IQGAP1: variants seen among roughly 807,000 people sequenced by gnomAD.
IQGAP1 encodes the protein ras GTPase-activating-like protein IQGAP1.
Under a neutral mutation model 215.6 loss-of-function variants are expected in IQGAP1, and 66 were observed. That is an observed-to-expected ratio of 0.31 (90% CI 0.25 to 0.38). The LOEUF (loss-of-function observed/expected upper bound fraction) is 0.38, where lower values mean the gene tolerates loss of function less well. Ranked by LOEUF, IQGAP1 falls within the 10% of genes least tolerant of loss-of-function variation. The pLI, the probability that IQGAP1 is intolerant of heterozygous loss-of-function variation, is 1.00. For missense variants in IQGAP1, 1,712 were observed against 1,997.1 expected (o/e 0.86, Z 2.72); for synonymous variants, 772 against 728.7 (o/e 1.06, Z -0.96).
chr15:90,397,484 G>C (rs1964738653), intron 2 of IQGAP1, among the ~76,000 whole-genome samples: 1 of 149,120 alleles, frequency 6.7e-6, no homozygotes, highest in Non-Finnish European at 1.5e-5. Context: ...GCTTGGCACA[G>C]TGAAATACAG....
chr15:90,432,788 T>G (rs565623357), intron 4 of IQGAP1, among the ~76,000 whole-genome samples: 12 of 152,304 alleles, frequency 7.9e-5, no homozygotes, highest in African/African-American at 2.2e-4. Flanking sequence ...TTATCCAAAT[T>G]CTTCTCACCT....
chr15:90,414,808 C>T (rs115238402), intron 2 of IQGAP1, among the ~76,000 whole-genome samples: 1,920 of 152,232 alleles, frequency 0.013, 36 homozygotes, highest in African/African-American at 0.044. Context: ...CTACAAGATG[C>T]CACTGTCTGG....
intron 4 of IQGAP1, 65 bp downstream of exon 4, chr15:90,429,731 C>G: frequency 1.0e-6 from 1 of 976,514 alleles, no homozygotes; most frequent in East Asian, 2.5e-5. Flanking sequence ...CTCAAACAAC[C>G]TGTTCTCATT....
chr15:90,436,657 A>G (rs1191894664), intron 5 of IQGAP1, among the ~76,000 whole-genome samples: 1 of 152,242 alleles, frequency 6.6e-6, no homozygotes, highest in Non-Finnish European at 1.5e-5. Flanking sequence ...AGTGCCTAAC[A>G]GTATATTTGT....
chr15:90,405,257 A>G (rs116453460), intron 2 of IQGAP1, among the ~76,000 whole-genome samples: 2,127 of 152,312 alleles, frequency 0.014, 41 homozygotes, highest in African/African-American at 0.048. Context: ...GGCAGCTTCA[A>G]CTGTTGAGCT....
In IQGAP1 at chr15:90,487,016, C is replaced by G. The variant is rs1966136219; in HGVS notation, c.4087C>G (p.Leu1363Val). Reference sequence around the variant, plus strand: ...GGCACTGGCTAAGACGGAAGTGTCTCTCACCCTGACCAACAAGTTCGACGT... The same window carrying G: ...GGCACTGGCTAAGACGGAAGTGTCTGTCACCCTGACCAACAAGTTCGACGT... ...KEALAKTEVS[L>V]TLTNKFDVPG... is the part of the protein sequence containing the mutation. Residue 1363 changes from leucine to valine, a missense_variant, in exon 32 of 38, where the codon CTC becomes GTC. Physicochemically the swap from Leu to Val is conservative, Grantham distance 32. Transcript: ENST00000268182. 1 of 1,614,080 alleles carries G rather than the reference C, an allele frequency of 6.2e-7. No individual in the cohort carries two copies. The highest frequency in any genetic ancestry group is 1.1e-5 in the South Asian group (1 of 91,084).
chr15:90,443,622 CTT>C (rs1327606009), intron 9 of IQGAP1, 144 bp downstream of exon 9: 12 of 581,120 alleles, frequency 2.1e-5, no homozygotes, highest in Non-Finnish European at 3.4e-5. Context: ...TGTTAACAAT[CTT>C]TTGTGTTTCT....
chr15:90,478,201 G>C (rs1966007818), intron 26 of IQGAP1, among the ~76,000 whole-genome samples: 1 of 152,070 alleles, frequency 6.6e-6, no homozygotes, highest in Non-Finnish European at 1.5e-5. Context: ...ATGTTGGCCA[G>C]ACTGGTCTCG....
intron 9 of IQGAP1, among the ~76,000 whole-genome samples, chr15:90,445,306 A>G (rs1009212043): frequency 1.3e-5 from 2 of 151,626 alleles, no homozygotes; most frequent in Admixed American, 6.6e-5. Flanking sequence ...TAAGTACTCA[A>G]TGAACATTAA....
At chr15:90,492,466 G>T in intron 34 of IQGAP1, 79 bp from the exon 35 acceptor site, 25 of 884,242 alleles carry the variant, frequency 2.8e-5, no homozygotes, top group Non-Finnish European at 3.9e-5. Context: ...TTAAGGCAGA[G>T]TTAAGCATTG....
chr15:90,431,057 A>G (rs1596263016), intron 4 of IQGAP1, among the ~76,000 whole-genome samples: 1 of 148,278 alleles, frequency 6.7e-6, no homozygotes, highest in Middle Eastern at 3.3e-3. Context: ...TATATATTAT[A>G]TATACACAAT....
intron 2 of IQGAP1, among the ~76,000 whole-genome samples, chr15:90,392,791 C>T (rs1282191250): frequency 7.5e-6 from 1 of 133,024 alleles, no homozygotes; most frequent in Non-Finnish European, 1.5e-5. Context: ...GTTGCCCAGG[C>T]TGGAGGGCAG....
chr15:90,410,853 A>C (rs978201105), intron 2 of IQGAP1, among the ~76,000 whole-genome samples: 2 of 151,930 alleles, frequency 1.3e-5, no homozygotes, highest in Non-Finnish European at 2.9e-5. Flanking sequence ...TAAAAAAAAA[A>C]AAAAAGAAAA....
chr15:90,476,950 T>A, intron 24 of IQGAP1, 117 bp from the exon 25 acceptor site: 1 of 1,319,008 alleles, frequency 7.6e-7, no homozygotes, highest in South Asian at 1.3e-5. Context: ...CTGTAACATG[T>A]TAATTTATTA....
intron 19 of IQGAP1, chr15:90,473,398 T>G: frequency 2.5e-6 from 1 of 395,348 alleles, no homozygotes; most frequent in Non-Finnish European, 4.7e-6. Context: ...TGTCCCCATC[T>G]GTAAAAGGGG....
In IQGAP1 at chr15:90,448,620, G is replaced by T; in HGVS notation, c.961G>T (p.Ala321Ser). 2 of 1,607,470 alleles carry T rather than the reference G, an allele frequency of 1.2e-6. No homozygotes were observed. Among genetic ancestry groups the T allele is most frequent in the Non-Finnish European group, 1.7e-6 (2 of 1,177,222 alleles). ...NIDLALEQGD[A>S]LALFRALQSP... Reference sequence around the variant, plus strand: ...CGACCTGGCTTTAGAACAAGGAGATGCACTGGCCTTGTTCAGGGCTCTGCA... The same window carrying T: ...CGACCTGGCTTTAGAACAAGGAGATTCACTGGCCTTGTTCAGGGCTCTGCA... The change falls in exon 10 of 38, where the codon GCA becomes TCA. Residue 321 changes from alanine (A) to serine (S), a missense_variant. Physicochemically the swap from Ala to Ser is moderately conservative, Grantham distance 99. Coordinates refer to ENST00000268182, the MANE Select transcript of IQGAP1 (RefSeq NM_003870.4).
At chr15:90,454,640 G>A in intron 14 of IQGAP1, 88 bp downstream of exon 14, 2 of 1,372,078 alleles carry the variant, frequency 1.5e-6, no homozygotes, top group South Asian at 1.6e-5. Context: ...ACTCCTAGAA[G>A]GATTTTTGGG....
chr15:90,494,522 G>A (rs28516870), intron 35 of IQGAP1, 191 bp from the exon 36 acceptor site: 66,165 of 364,196 alleles, frequency 0.18, 6,381 homozygotes, highest in South Asian at 0.22. Context: ...AAGCAATTTA[G>A]TAATATTTCC....
Position 90,482,193 on chromosome 15 carries a change from G to A in IQGAP1, c.3471-4G>A, listed in dbSNP as rs773991974. On this transcript the variant is annotated splice_polypyrimidine_tract_variant and splice_region_variant and intron_variant, in intron 27 of 37. Coordinates refer to ENST00000268182, the MANE Select transcript of IQGAP1 (RefSeq NM_003870.4). ...CTTCTCACTAAGTTTTGTCCATCCC[G>A]CAGTTATGGGATGCGCTTCATTGCC... is the stretch of plus-strand genomic sequence containing the variant. The A allele has an allele frequency of 5.6e-6, 9 of 1,614,022 alleles. No individual in the cohort carries two copies. The highest frequency in any genetic ancestry group is 2.2e-5 in the East Asian group (1 of 44,896).
Sources: allele counts gnomAD v4.1 joint callset (sites outside exome capture counted in the v4.1 genomes callset), GRCh38; gene constraint gnomAD v4.1.1; transcripts MANE v1.5; gene names NCBI Gene and HGNC (gene_info 2026-07-23, HGNC 2026-07-21).